The following NLGN4X variants were observed in gnomAD, a reference collection of about 807,000 sequenced individuals.
NLGN4X encodes neuroligin 4 X-linked.
NLGN4X carries 3 observed loss-of-function variants against 40.3 expected under a neutral mutation model. The ratio of observed to expected loss-of-function variants is 0.07; its 90% CI spans 0.03 to 0.19. The LOEUF is 0.19. Among genes scored for constraint, NLGN4X ranks in the 10% least tolerant of loss-of-function variants. The pLI is 1.00. For synonymous variants in NLGN4X, 270 were observed against 306.8 expected (o/e 0.88, Z 1.25); for missense variants, 382 against 708.3 (o/e 0.54, Z 5.23).
At chrX:6,136,848 G>T (rs891473175) in intron 2 of NLGN4X, among the ~76,000 whole-genome samples, 3 of 112,138 alleles carry the variant, frequency 2.7e-5, no homozygotes, top group African/African-American at 9.7e-5. Flanking sequence ...AGGGGAGATA[G>T]GACATAGCCT....
intron 3 of NLGN4X, among the ~76,000 whole-genome samples, chrX:5,959,799 G>A (rs1222213126): frequency 9.0e-6 from 1 of 111,284 alleles, no homozygotes; most frequent in Non-Finnish European, 1.9e-5. Context: ...TCATGAAATT[G>A]TTTTTGTTGA....
intron 1 of NLGN4X, among the ~76,000 whole-genome samples, chrX:6,185,602 G>A (rs1022732969): frequency 3.6e-5 from 4 of 111,640 alleles, no homozygotes; most frequent in African/African-American, 1.3e-4. Flanking sequence ...TAGAATCCAG[G>A]AACCCCCTGG....
intron 3 of NLGN4X, among the ~76,000 whole-genome samples, chrX:5,944,620 C>T (rs1398089565): frequency 2.1e-5 from 2 of 97,439 alleles, no homozygotes; most frequent in African/African-American, 7.9e-5. Flanking sequence ...TGTGCTTCAA[C>T]CTGGGCAAAA....
chrX:6,102,240 TATCTC>T (rs1428202843), intron 2 of NLGN4X, among the ~76,000 whole-genome samples: 1 of 111,921 alleles, frequency 8.9e-6, no homozygotes, highest in African/African-American at 3.3e-5. Context: ...TACACCAAAA[TATCTC>T]ATGTACTCCA....
At chrX:6,198,409 T>A in intron 1 of NLGN4X, among the ~76,000 whole-genome samples, 1 of 111,886 alleles carries the variant, frequency 8.9e-6, no homozygotes, top group East Asian at 2.8e-4. Flanking sequence ...GCTAATGTTA[T>A]CCCTTTATAT....
At chrX:6,060,668 T>C (rs2037746378) in intron 2 of NLGN4X, among the ~76,000 whole-genome samples, 1 of 111,725 alleles carries the variant, frequency 9.0e-6, no homozygotes, top group Non-Finnish European at 1.9e-5. Context: ...CCTGGCTTCT[T>C]ACTACACTGA....
At chrX:5,908,987 T>C in intron 4 of NLGN4X, 67 bp downstream of exon 4, 2 of 1,142,304 alleles carry the variant, frequency 1.8e-6, no homozygotes, top group South Asian at 3.8e-5. Context: ...ATCTGAGATA[T>C]GAACTCTGAC....
chrX:6,100,649 A>G (rs994751876), intron 2 of NLGN4X, among the ~76,000 whole-genome samples: 1 of 111,861 alleles, frequency 8.9e-6, no homozygotes, highest in Admixed American at 9.5e-5. Context: ...ACAAATAATG[A>G]AAAGTAGAGA....
chrX:6,016,570 A>G lies in NLGN4X; in HGVS notation c.625+12710T>C, dbSNP rs778441234. 2.7e-5 allele frequency among the ~76,000 whole-genome samples: 3 copies of G among 111,833 alleles called. No individual in the cohort carries two copies. In the East Asian group the frequency reaches 8.4e-4, roughly 31 times the overall value. ...GGAAAATAATTTGAAAGATTCTCAA[A>G]TATTTAAACACAGAGTTCATGATAT... On this transcript the variant is annotated intron_variant, in intron 3 of 5. Transcript: ENST00000381095.
intron 3 of NLGN4X, among the ~76,000 whole-genome samples, chrX:5,966,568 A>G (rs921433686): frequency 1.3e-4 from 15 of 112,684 alleles, no homozygotes; most frequent in Admixed American, 3.8e-4. Flanking sequence ...TTTACCTCGT[A>G]CCACTTTGCC....
At chrX:6,037,754 G>A (rs1374033586) in intron 2 of NLGN4X, among the ~76,000 whole-genome samples, 1 of 109,482 alleles carries the variant, frequency 9.1e-6, no homozygotes, top group African/African-American at 3.3e-5. Context: ...CATACGGCGG[G>A]GGGTGGGGGA....
At chrX:6,069,214 G>A (rs1353205913) in intron 2 of NLGN4X, among the ~76,000 whole-genome samples, 1 of 109,438 alleles carries the variant, frequency 9.1e-6, no homozygotes, top group Non-Finnish European at 1.9e-5. Context: ...CTTGAACCTC[G>A]GGGGTGGAGC....
Position 5,978,635 on chromosome X carries a change from G to T in NLGN4X, c.625+50645C>A, listed in dbSNP as rs747775310. Among the ~76,000 whole-genome samples the T allele has an allele frequency of 1.2e-4, 13 of 112,041 alleles. No individual in the cohort carries two copies. The East Asian group carries it at 3.4e-3, about 29-fold the overall frequency. ...TGTTAAAGGGAAAAATGAGCATAAG[G>T]AAACAGTGAGGTCTCACAGTGGCTG... On this transcript the variant is annotated intron_variant, in intron 3 of 5. Coordinates refer to ENST00000381095, the MANE Select transcript of NLGN4X (RefSeq NM_181332.3).
chrX:6,091,552 GAT>G (rs1231101364), intron 2 of NLGN4X, among the ~76,000 whole-genome samples: 19 of 110,914 alleles, frequency 1.7e-4, no homozygotes, highest in Non-Finnish European at 3.2e-4. Flanking sequence ...CTAGAACTTA[GAT>G]ATCTTTCAAA....
intron 2 of NLGN4X, among the ~76,000 whole-genome samples, chrX:6,106,194 C>T (rs1001828174): frequency 9.0e-6 from 1 of 111,594 alleles, no homozygotes; most frequent in Non-Finnish European, 1.9e-5. Context: ...GTTTTGCCCC[C>T]AAATGAGTTT....
chrX:6,020,822 T>A (rs917256696), intron 3 of NLGN4X, among the ~76,000 whole-genome samples: 5 of 109,921 alleles, frequency 4.5e-5, no homozygotes, highest in Non-Finnish European at 7.6e-5. Context: ...TTCTTTTGAG[T>A]CTTTTTTAAA....
At chrX:6,134,670 C>G (rs1236600162) in intron 2 of NLGN4X, among the ~76,000 whole-genome samples, 1 of 112,383 alleles carries the variant, frequency 8.9e-6, no homozygotes, top group Non-Finnish European at 1.9e-5. Flanking sequence ...CATATGGAAG[C>G]AAATGTTAGC....
chrX:6,147,543 T>C (rs939795204), intron 2 of NLGN4X, among the ~76,000 whole-genome samples: 2 of 111,856 alleles, frequency 1.8e-5, no homozygotes, highest in African/African-American at 6.5e-5. Context: ...GGACTTAGTA[T>C]GTGAGACTGG....
rs2039564481 is a variant in NLGN4X, at chrX:6,126,994, G to A, written c.472+24001C>T. ...AGCTTGTACTATTTTGTGGGGGGAGGAGTCTGTCCCCTTCAAGACTTTTCC... is the reference window on the plus strand; with the variant it reads ...AGCTTGTACTATTTTGTGGGGGGAGAAGTCTGTCCCCTTCAAGACTTTTCC... On this transcript the variant is annotated intron_variant, in intron 2 of 5. Coordinates refer to ENST00000381095, the MANE Select transcript of NLGN4X (RefSeq NM_181332.3). 1.1e-4 allele frequency among the ~76,000 whole-genome samples: 3 copies of A among 28,269 alleles called. No homozygotes were observed. The Admixed American group carries it at 1.5e-3, about 14-fold the overall frequency. 24.5% of individuals were successfully genotyped at this position (28,269 alleles called of 115,157 possible).
Sources: gnomAD v4.1 joint callset for allele counts (sites outside exome capture counted in the v4.1 genomes callset) on GRCh38, gnomAD v4.1.1 for gene constraint, MANE v1.5 for transcripts, NCBI Gene and HGNC (gene_info 2026-07-23, HGNC 2026-07-21) for gene names.